QTMAN: variants seen among roughly 807,000 people sequenced by gnomAD.
QTMAN encodes tRNA-queuosine alpha-mannosyltransferase.
the QTMAN span, chr2:143,963,769 C>A: frequency 2.4e-4 from 37 of 152,184 alleles, no homozygotes; most frequent in African/African-American, 8.7e-4. Flanking sequence ...ATATGCCTAC[C>A]TTTAATTGAA....
the QTMAN span, among the ~76,000 whole-genome samples, chr2:144,044,546 C>A: frequency 6.6e-6 from 1 of 152,192 alleles, no homozygotes; most frequent in South Asian, 2.1e-4. Flanking sequence ...GAAATTCTCA[C>A]AAAATAGCAC....
chr2:144,275,887 TCA>T, the QTMAN span, among the ~76,000 whole-genome samples: 1 of 152,186 alleles, frequency 6.6e-6, no homozygotes, highest in African/African-American at 2.4e-5. Context: ...GTAAATAATT[TCA>T]CAGAGTTCCC....
the QTMAN span, chr2:143,942,440 C>T: frequency 0.048 from 8,071 of 167,510 alleles, 256 homozygotes; most frequent in Middle Eastern, 0.11. Context: ...TTCGCTCCTG[C>T]GTCTTAAAGA....
At chr2:144,255,687 G>A in the QTMAN span, among the ~76,000 whole-genome samples, 3 of 152,218 alleles carry the variant, frequency 2.0e-5, no homozygotes, top group Non-Finnish European at 4.4e-5. Context: ...CAGGGATTCT[G>A]AAGGAGGGAG....
the QTMAN span, among the ~76,000 whole-genome samples, chr2:144,267,431 G>C: frequency 2.0e-5 from 3 of 152,184 alleles, no homozygotes; most frequent in Admixed American, 1.3e-4. Context: ...ATTGAGAACT[G>C]AGAAAAATAA....
chr2:143,938,277 G>A, the QTMAN span: 4 of 152,164 alleles, frequency 2.6e-5, no homozygotes, highest in Admixed American at 2.6e-4. Context: ...GGATCACAAA[G>A]CAATCTCCAC....
chr2:144,066,016 G>C, the QTMAN span, among the ~76,000 whole-genome samples: 1 of 152,102 alleles, frequency 6.6e-6, no homozygotes, highest in Non-Finnish European at 1.5e-5. Flanking sequence ...AAAGTTAGGG[G>C]AGGTAAGTTC....
At chr2:143,951,974 A>G in the QTMAN span, 7 of 1,401,676 alleles carry the variant, frequency 5.0e-6, no homozygotes, top group Non-Finnish European at 6.0e-6. Flanking sequence ...TCTCTTCTCA[A>G]TAACTACCTT....
chr2:144,133,456 A>T, the QTMAN span, among the ~76,000 whole-genome samples: 394 of 44,432 alleles, frequency 8.9e-3, 5 homozygotes, highest in African/African-American at 0.047. Flanking sequence ...TATAATATAT[A>T]ATATATATTA....
the QTMAN span, among the ~76,000 whole-genome samples, chr2:144,238,986 T>C: frequency 6.6e-6 from 1 of 152,028 alleles, no homozygotes; most frequent in Non-Finnish European, 1.5e-5. Flanking sequence ...TGAAAGAATC[T>C]AGCATCCCAC....
At chr2:144,237,481 A>C in the QTMAN span, 1 of 151,970 alleles carries the variant, frequency 6.6e-6, no homozygotes, top group Non-Finnish European at 1.5e-5. Flanking sequence ...TATAAACCTG[A>C]CAACAAGTAA....
At chr2:144,106,491 G>C in the QTMAN span, among the ~76,000 whole-genome samples, 4 of 152,118 alleles carry the variant, frequency 2.6e-5, no homozygotes, top group Admixed American at 6.5e-5. Context: ...AACCTACAAA[G>C]ATCAAAAGAG....
chr2:144,315,249 TTAAAGTG>T, the QTMAN span, among the ~76,000 whole-genome samples: 3 of 152,210 alleles, frequency 2.0e-5, no homozygotes. Context: ...GGATAGCCAG[TTAAAGTG>T]TAATCTCTTG....
the QTMAN span, among the ~76,000 whole-genome samples, chr2:144,154,445 T>G: frequency 6.6e-6 from 1 of 152,166 alleles, no homozygotes; most frequent in East Asian, 1.9e-4. Flanking sequence ...CATAATCAGA[T>G]AGTGATGGTG....
At chr2:144,283,953 G>A in the QTMAN span, among the ~76,000 whole-genome samples, 1 of 151,178 alleles carries the variant, frequency 6.6e-6, no homozygotes, top group East Asian at 1.9e-4. Context: ...GAAAATATAT[G>A]GAAAAAATTA....
chr2:144,133,237 TTATATATAAA>T, the QTMAN span, among the ~76,000 whole-genome samples: 3,185 of 58,744 alleles, frequency 0.054, 171 homozygotes, highest in African/African-American at 0.16. Context: ...ATATTTATAT[TTATATATAAA>T]TATATATAAA....
the QTMAN span, among the ~76,000 whole-genome samples, chr2:144,174,309 G>C: frequency 1.3e-5 from 2 of 152,090 alleles, no homozygotes. Flanking sequence ...CTTGCACCAA[G>C]ATCTAGAAAC....
At chr2:144,054,770 T>C in the QTMAN span, among the ~76,000 whole-genome samples, 2 of 152,154 alleles carry the variant, frequency 1.3e-5, no homozygotes. Context: ...CGAGATGCCC[T>C]CCAGAGACAG....
At chr2:144,212,562 A>G in the QTMAN span, among the ~76,000 whole-genome samples, 3 of 152,178 alleles carry the variant, frequency 2.0e-5, no homozygotes, top group African/African-American at 7.2e-5. Flanking sequence ...TAGTTTGGAA[A>G]ACAAATACCA....
Sources: gnomAD v4.1 joint callset for allele counts (sites outside exome capture counted in the v4.1 genomes callset) on GRCh38, gnomAD v4.1.1 for gene constraint, MANE v1.5 for transcripts, NCBI Gene and HGNC (gene_info 2026-07-23, HGNC 2026-07-21) for gene names.